The following IRAG1 variants were observed in gnomAD, a reference collection of about 807,000 sequenced individuals.
The protein encoded by IRAG1 is inositol 1,4,5-triphosphate receptor associated 1, also known as IP3R-associated cGMP kinase substrate.
In IRAG1, 62 loss-of-function variants were observed where a neutral mutation model predicts 106.2. The ratio of observed to expected loss-of-function variants is 0.58; its 90% CI spans 0.48 to 0.72. IRAG1 has a LOEUF of 0.72. IRAG1 is among the 30% of genes least tolerant of loss of function. IRAG1 has a pLI of 0.00. For missense variants in IRAG1, 1,064 were observed against 1,140.7 expected (o/e 0.93, Z 0.97); for synonymous variants, 462 against 443.9 (o/e 1.04, Z -0.51).
intron 11 of IRAG1, among the ~76,000 whole-genome samples, chr11:10,608,710 G>C (rs901173656): frequency 6.6e-6 from 1 of 152,168 alleles, no homozygotes; most frequent in Non-Finnish European, 1.5e-5. Context: ...TTTATTGAGT[G>C]TAAGCCTTCT....
At chr11:10,603,916 G>C (rs1202593776) in intron 13 of IRAG1, among the ~76,000 whole-genome samples, 1 of 152,184 alleles carries the variant, frequency 6.6e-6, no homozygotes, top group Non-Finnish European at 1.5e-5. Context: ...CCAGCCTCCA[G>C]AACTATGAGA....
At chr11:10,622,378 G>C (rs1855900490) in intron 10 of IRAG1, among the ~76,000 whole-genome samples, 1 of 152,132 alleles carries the variant, frequency 6.6e-6, no homozygotes, top group South Asian at 2.1e-4. Context: ...CAGGAGCCTG[G>C]CCTGTTGGAA....
At chr11:10,669,555 T>A (rs773694918) in intron 1 of IRAG1, among the ~76,000 whole-genome samples, 1 of 152,198 alleles carries the variant, frequency 6.6e-6, no homozygotes, top group Non-Finnish European at 1.5e-5. Context: ...AGCCCTAAAG[T>A]AGATCTTCAG....
At position 10,626,454 on chromosome 11, in the gene IRAG1, C is replaced by T. The variant is rs201562548; in HGVS notation, c.880G>A (p.Asp294Asn). 27 of 1,613,540 alleles carry T rather than the reference C, an allele frequency of 1.7e-5. No homozygotes were observed. Among genetic ancestry groups the T allele is most frequent in the Middle Eastern group, 1.6e-4 (1 of 6,084 alleles). The change falls in exon 9 of 21, where the codon GAT becomes AAT. Residue 294 changes from aspartate to asparagine, a missense_variant. Physicochemically the swap from Asp to Asn is conservative, Grantham distance 23. Transcript: ENST00000423302. The part of the protein sequence containing the change: ...EIAIEQKENF[D>N]PLQYPETTPK... The stretch of plus-strand genomic sequence containing the variant: ...GTGGTCTCGGGGTACTGGAGGGGAT[C>T]GAAGTTTTCCTTTTGTTCTATTGCA...
intron 5 of IRAG1, 28 bp downstream of exon 5, chr11:10,629,510 C>A: frequency 1.2e-6 from 2 of 1,602,928 alleles, no homozygotes; most frequent in Non-Finnish European, 8.5e-7. Flanking sequence ...GGGCTCAGGG[C>A]AGCCACCTGT....
chr11:10,677,853 A>G (rs1236263449), intron 1 of IRAG1, among the ~76,000 whole-genome samples: 7 of 152,186 alleles, frequency 4.6e-5, no homozygotes, highest in Admixed American at 3.9e-4. Flanking sequence ...CCGGTTCTGG[A>G]TAGTTATATG....
intron 2 of IRAG1, among the ~76,000 whole-genome samples, chr11:10,648,932 G>A (rs893981168): frequency 2.6e-5 from 4 of 152,180 alleles, no homozygotes; most frequent in Non-Finnish European, 4.4e-5. Flanking sequence ...TAGGGGCTGG[G>A]ACCTGAGGAA....
intron 1 of IRAG1, among the ~76,000 whole-genome samples, chr11:10,680,344 G>A (rs12807407): frequency 0.025 from 1,678 of 67,678 alleles, 86 homozygotes; most frequent in African/African-American, 0.099. Flanking sequence ...AAGGAAGGAA[G>A]GAAAGAAAGA....
chr11:10,591,257 G>C (rs1852633249), intron 18 of IRAG1, among the ~76,000 whole-genome samples: 1 of 152,096 alleles, frequency 6.6e-6, no homozygotes, highest in Admixed American at 6.5e-5. Context: ...CATTGAGTTG[G>C]GGCTTTATTT....
At chr11:10,692,874 C>T (rs1862169359) in intron 1 of IRAG1, among the ~76,000 whole-genome samples, 1 of 152,218 alleles carries the variant, frequency 6.6e-6, no homozygotes, top group Non-Finnish European at 1.5e-5. Flanking sequence ...ATGGTGCTCA[C>T]TCTAGGAATC....
intron 1 of IRAG1, among the ~76,000 whole-genome samples, chr11:10,686,976 C>T (rs1861703512): frequency 6.6e-6 from 1 of 152,188 alleles, no homozygotes; most frequent in Non-Finnish European, 1.5e-5. Flanking sequence ...CTAAATGAAA[C>T]TTCTGTGAAA....
rs576362524 is a variant in IRAG1, at chr11:10,678,900, A to G, written c.67+14636T>C. Reference sequence around the variant, plus strand: ...TCCCTTTTGATGCTGCTATGAGTCTAAATCTGAGTGTGTCCCACAAGCTCA... The same window carrying G: ...TCCCTTTTGATGCTGCTATGAGTCTGAATCTGAGTGTGTCCCACAAGCTCA... On this transcript the variant is annotated intron_variant, in intron 1 of 20. Transcript: ENST00000423302. 2.0e-5 allele frequency among the ~76,000 whole-genome samples: 3 copies of G among 152,318 alleles called. No individual in the cohort carries two copies. The East Asian group carries it at 5.8e-4, about 29-fold the overall frequency.
intron 4 of IRAG1, among the ~76,000 whole-genome samples, chr11:10,630,788 C>T (rs1157246894): frequency 6.6e-6 from 1 of 152,208 alleles, no homozygotes; most frequent in Admixed American, 6.5e-5. Flanking sequence ...CCATCGGGTT[C>T]CATTCGTCTT....
At chr11:10,588,599 C>T (rs1852291907) in intron 18 of IRAG1, among the ~76,000 whole-genome samples, 2 of 152,210 alleles carry the variant, frequency 1.3e-5, no homozygotes, top group Non-Finnish European at 2.9e-5. Context: ...CATCCACTTG[C>T]CTTGGCCTCC....
chr11:10,615,258 C>G (rs538529884), intron 10 of IRAG1, among the ~76,000 whole-genome samples: 1 of 152,074 alleles, frequency 6.6e-6, no homozygotes, highest in Non-Finnish European at 1.5e-5. Flanking sequence ...GTTAGAATGG[C>G]GATCATTAAA....
intron 2 of IRAG1, among the ~76,000 whole-genome samples, chr11:10,639,346 C>T (rs915681006): frequency 1.3e-5 from 2 of 152,178 alleles, no homozygotes; most frequent in African/African-American, 4.8e-5. Context: ...ATTTGACAAA[C>T]ATAAATATCC....
chr11:10,609,002 T>A (rs1034174016), intron 11 of IRAG1, among the ~76,000 whole-genome samples: 1 of 152,222 alleles, frequency 6.6e-6, no homozygotes, highest in African/African-American at 2.4e-5. Context: ...GTGTTTTGTG[T>A]GAGGTAGGGG....
chr11:10,612,117 C>A (rs771258437), intron 10 of IRAG1, among the ~76,000 whole-genome samples: 99 of 152,222 alleles, frequency 6.5e-4, no homozygotes, highest in Admixed American at 3.1e-3. Flanking sequence ...CCACCATGTT[C>A]TCCCCCGACT....
chr11:10,608,004 G>A (rs1481926646), intron 11 of IRAG1, among the ~76,000 whole-genome samples: 1 of 152,124 alleles, frequency 6.6e-6, no homozygotes. Flanking sequence ...TGGGTTTGTT[G>A]GGATATTATG....
Sources: allele counts gnomAD v4.1 joint callset (sites outside exome capture counted in the v4.1 genomes callset), GRCh38; gene constraint gnomAD v4.1.1; transcripts MANE v1.5; gene names NCBI Gene and HGNC (gene_info 2026-07-23, HGNC 2026-07-21).